PLEKHA5: variants seen among roughly 807,000 people sequenced by gnomAD.
PLEKHA5 encodes the protein pleckstrin homology domain containing A5.
PLEKHA5 carries 55 observed loss-of-function variants against 181.9 expected under a neutral mutation model. The observed-to-expected ratio is 0.30, with a 90% confidence interval of 0.24 to 0.38. The LOEUF is 0.38. PLEKHA5 is among the 10% of genes least tolerant of loss of function. The pLI is 1.00. For synonymous variants in PLEKHA5, 535 were observed against 529.4 expected (o/e 1.01, Z -0.15); for missense variants, 1,432 against 1,549.5 (o/e 0.92, Z 1.27).
intron 3 of PLEKHA5, among the ~76,000 whole-genome samples, chr12:19,249,381 G>A (rs1219685467): frequency 6.6e-6 from 1 of 152,120 alleles, no homozygotes; most frequent in African/African-American, 2.4e-5. Context: ...AGGTTGCATC[G>A]ACAGTTTAGA....
intron 7 of PLEKHA5, 111 bp from the exon 8 acceptor site, chr12:19,265,639 A>G: frequency 3.1e-6 from 2 of 646,526 alleles, no homozygotes; most frequent in East Asian, 2.6e-5. Flanking sequence ...CTGAACATGA[A>G]TATAGTTCAT....
chr12:19,357,785 A>G (rs954538360), intron 26 of PLEKHA5, among the ~76,000 whole-genome samples: 1 of 151,708 alleles, frequency 6.6e-6, no homozygotes, highest in Non-Finnish European at 1.5e-5. Context: ...ATAGGCATAT[A>G]CCACCACACC....
chr12:19,354,676 G>T (rs1394179220), intron 26 of PLEKHA5, among the ~76,000 whole-genome samples: 3 of 150,246 alleles, frequency 2.0e-5, no homozygotes, highest in Admixed American at 1.3e-4. Flanking sequence ...TAGAGACAGG[G>T]TTTCACCATG....
At chr12:19,237,110 G>C (rs1317883082) in intron 3 of PLEKHA5, 1 of 152,164 alleles carries the variant, frequency 6.6e-6, no homozygotes, top group Non-Finnish European at 1.5e-5. Context: ...CTTTTCCTCA[G>C]TTAATGATCC....
At chr12:19,215,942 G>C (rs2057888388) in intron 3 of PLEKHA5, among the ~76,000 whole-genome samples, 3 of 152,164 alleles carry the variant, frequency 2.0e-5, no homozygotes, top group African/African-American at 7.2e-5. Context: ...TTTTTTTCTA[G>C]AAAACTTAAA....
chr12:19,137,888 G>A (rs1057415653), intron 3 of PLEKHA5, among the ~76,000 whole-genome samples: 1 of 152,190 alleles, frequency 6.6e-6, no homozygotes, highest in African/African-American at 2.4e-5. Flanking sequence ...TATTTAAGGA[G>A]TTAATCAAGA....
intron 3 of PLEKHA5, among the ~76,000 whole-genome samples, chr12:19,189,517 T>C (rs2050600248): frequency 6.6e-6 from 1 of 151,916 alleles, no homozygotes; most frequent in Non-Finnish European, 1.5e-5. Flanking sequence ...ATTTGTTCTT[T>C]TGGGGGAAAG....
chr12:19,333,783 G>T (rs1448776912), intron 20 of PLEKHA5, among the ~76,000 whole-genome samples: 2 of 151,604 alleles, frequency 1.3e-5, no homozygotes, highest in Admixed American at 6.6e-5. Flanking sequence ...TAATTTTTTT[G>T]TATTTTTAGT....
chr12:19,258,616 G>C (rs1465643852), intron 6 of PLEKHA5, among the ~76,000 whole-genome samples: 1 of 147,414 alleles, frequency 6.8e-6, no homozygotes, highest in East Asian at 2.0e-4. Context: ...CCAGACTGGA[G>C]GGCAGCGGTG....
At chr12:19,221,487 G>A (rs1315198363) in intron 3 of PLEKHA5, among the ~76,000 whole-genome samples, 2 of 152,172 alleles carry the variant, frequency 1.3e-5, no homozygotes, top group Admixed American at 6.5e-5. Flanking sequence ...GAGAGGAAGG[G>A]TTGAATAGGT....
chr12:19,364,231 G>T (rs1300334849), intron 29 of PLEKHA5, among the ~76,000 whole-genome samples: 1 of 152,050 alleles, frequency 6.6e-6, no homozygotes, highest in Non-Finnish European at 1.5e-5. Context: ...TTTGTGGCAG[G>T]GTGCAGTGGC....
At chr12:19,162,988 G>A (rs2043337814) in intron 3 of PLEKHA5, among the ~76,000 whole-genome samples, 1 of 152,058 alleles carries the variant, frequency 6.6e-6, no homozygotes, top group African/African-American at 2.4e-5. Context: ...TTTATTTAGT[G>A]CCTTTTAAGT....
chr12:19,140,678 T>C (rs951554362), intron 3 of PLEKHA5, among the ~76,000 whole-genome samples: 24 of 152,228 alleles, frequency 1.6e-4, no homozygotes, highest in Non-Finnish European at 3.5e-4. Context: ...CAAGCCTCTT[T>C]ACCTAAATCT....
chr12:19,339,286 C>G (rs770955759), intron 21 of PLEKHA5, among the ~76,000 whole-genome samples: 1 of 152,090 alleles, frequency 6.6e-6, no homozygotes, highest in Non-Finnish European at 1.5e-5. Flanking sequence ...GGTGATCTGC[C>G]CGCCTTGGCC....
intron 15 of PLEKHA5, among the ~76,000 whole-genome samples, chr12:19,306,076 T>C (rs1453566130): frequency 6.6e-6 from 1 of 151,454 alleles, no homozygotes; most frequent in Non-Finnish European, 1.5e-5. Flanking sequence ...CGATACTCCG[T>C]CTAAAAAAAA....
intron 3 of PLEKHA5, among the ~76,000 whole-genome samples, chr12:19,177,092 T>C (rs1173678469): frequency 6.6e-6 from 1 of 151,984 alleles, no homozygotes; most frequent in Non-Finnish European, 1.5e-5. Context: ...GGTCTTGATC[T>C]CCTGACCTCG....
intron 3 of PLEKHA5, among the ~76,000 whole-genome samples, chr12:19,240,020 G>A (rs1239762393): frequency 6.6e-6 from 1 of 152,168 alleles, no homozygotes; most frequent in East Asian, 1.9e-4. Flanking sequence ...AAAGCCAAAC[G>A]TTTTTTACAA....
At chr12:19,219,043 T>A (rs142587272) in intron 3 of PLEKHA5, among the ~76,000 whole-genome samples, 2 of 152,160 alleles carry the variant, frequency 1.3e-5, no homozygotes, top group African/African-American at 4.8e-5. Flanking sequence ...CAGTTGACCC[T>A]TGAACAACAC....
At chr12:19,206,520 G>T (rs533700650) in intron 3 of PLEKHA5, among the ~76,000 whole-genome samples, 2 of 152,116 alleles carry the variant, frequency 1.3e-5, no homozygotes, top group African/African-American at 4.8e-5. Context: ...ACACATAAAT[G>T]TCAGGTAGGG....
Sources: gnomAD v4.1 joint callset for allele counts (sites outside exome capture counted in the v4.1 genomes callset) on GRCh38, gnomAD v4.1.1 for gene constraint, MANE v1.5 for transcripts, NCBI Gene and HGNC (gene_info 2026-07-23, HGNC 2026-07-21) for gene names.